The following TBC1D32 variants were observed in gnomAD, a reference collection of about 807,000 sequenced individuals.
TBC1D32 encodes TBC1 domain family member 32, also known as protein broad-minded.
TBC1D32 carries 151 observed loss-of-function variants against 170.3 expected under a neutral mutation model. The ratio of observed to expected loss-of-function variants is 0.89; its 90% CI spans 0.78 to 1.01. The LOEUF is 1.01. TBC1D32 is among the 50% of genes least tolerant of loss of function. The probability of loss-of-function intolerance (pLI) is 0.00; values close to 1 mark genes in which losing one functional copy is unlikely to be tolerated. For missense variants in TBC1D32, 1,464 were observed against 1,457.1 expected, an observed-to-expected ratio of 1.00 and a Z score of -0.08; for synonymous variants, 498 against 488.0, an observed-to-expected ratio of 1.02 and a Z score of -0.27.
chr6:121,256,046 AT>A (rs771178889), intron 16 of TBC1D32, 37 bp downstream of exon 16: 1 of 1,541,614 alleles, frequency 6.5e-7, no homozygotes, highest in South Asian at 1.2e-5. Context: ...TGAAATAAAG[AT>A]TTGCAGGGAG....
intron 22 of TBC1D32, among the ~76,000 whole-genome samples, chr6:121,187,431 T>G (rs1789342054): frequency 1.3e-5 from 2 of 152,068 alleles, no homozygotes; most frequent in African/African-American, 4.8e-5. Context: ...CTCTGGAATG[T>G]TGTAATATGC....
At position 121,094,227 on chromosome 6, in the gene TBC1D32, G is replaced by A. The variant is rs139246236; in HGVS notation, c.3466-3186C>T. ...CCATCACCCAGGCTGGAGTGCAGTG[G>A]TGCAATCTCAGCTCACTGCAACCTC... is the stretch of plus-strand genomic sequence containing the variant. On this transcript the variant is annotated intron_variant, in intron 30 of 31. Transcript: ENST00000398212. Among the ~76,000 whole-genome samples the A allele has an allele frequency of 2.0e-4, 31 of 151,928 alleles. No homozygotes were observed. The East Asian group carries it at 5.6e-3, about 28-fold the overall frequency.
intron 3 of TBC1D32, among the ~76,000 whole-genome samples, chr6:121,315,319 A>ATGGCAGGTATTATTATTT (rs1808771645): frequency 6.6e-6 from 1 of 152,224 alleles, no homozygotes; most frequent in Admixed American, 6.5e-5. Context: ...TATTATTATT[A>ATGGCAGGTATTATTATTT]TAGCTGGTAT....
chr6:121,180,028 C>A (rs1788304443), intron 22 of TBC1D32, among the ~76,000 whole-genome samples: 2 of 151,980 alleles, frequency 1.3e-5, no homozygotes, highest in Non-Finnish European at 2.9e-5. Flanking sequence ...AAAATTAAAT[C>A]CATGAAAGAT....
intron 22 of TBC1D32, among the ~76,000 whole-genome samples, chr6:121,188,162 TAAGTTTGTTCTG>T (rs1326387790): frequency 6.6e-6 from 1 of 152,168 alleles, no homozygotes; most frequent in Non-Finnish European, 1.5e-5. Flanking sequence ...ACCTACTTCA[TAAGTTTGTTCTG>T]AAATTGAGTG....
chr6:121,315,308 G>T (rs757709556), intron 3 of TBC1D32, among the ~76,000 whole-genome samples: 1 of 152,058 alleles, frequency 6.6e-6, no homozygotes, highest in African/African-American at 2.4e-5. Flanking sequence ...TATATGGCAG[G>T]TATTATTATT....
intron 21 of TBC1D32, among the ~76,000 whole-genome samples, chr6:121,209,336 T>G (rs1397607497): frequency 6.6e-6 from 1 of 152,108 alleles, no homozygotes; most frequent in Non-Finnish European, 1.5e-5. Context: ...ATAAGAACAT[T>G]TAGCATGAGA....
intron 30 of TBC1D32, among the ~76,000 whole-genome samples, chr6:121,091,371 A>T (rs1776780018): frequency 6.6e-6 from 1 of 152,152 alleles, no homozygotes; most frequent in African/African-American, 2.4e-5. Flanking sequence ...ACAAATGCTA[A>T]GAGACTATTT....
intron 21 of TBC1D32, among the ~76,000 whole-genome samples, chr6:121,220,830 G>A (rs1181822101): frequency 2.0e-5 from 3 of 151,682 alleles, no homozygotes; most frequent in African/African-American, 7.3e-5. Context: ...TACTAGACAC[G>A]GGGTTTCACC....
intron 22 of TBC1D32, chr6:121,170,260 C>T: frequency 1.2e-6 from 1 of 836,722 alleles, no homozygotes; most frequent in Non-Finnish European, 1.7e-6. Context: ...GACATTTACA[C>T]TTTAGCTGCT....
At chr6:121,213,474 T>G (rs1194995401) in intron 21 of TBC1D32, among the ~76,000 whole-genome samples, 3 of 4,804 alleles carry the variant, frequency 6.2e-4, no homozygotes, top group African/African-American at 8.4e-4. Context: ...AATAATAAAA[T>G]AAAATAAAAT....
At chr6:121,319,881 A>G (rs1277429192) in intron 2 of TBC1D32, among the ~76,000 whole-genome samples, 1 of 152,176 alleles carries the variant, frequency 6.6e-6, no homozygotes, top group Non-Finnish European at 1.5e-5. Flanking sequence ...AAAAACAGAT[A>G]TAAAATAGAA....
chr6:121,149,959 A>C (rs1000094775), intron 24 of TBC1D32, among the ~76,000 whole-genome samples: 7 of 152,086 alleles, frequency 4.6e-5, no homozygotes, highest in Admixed American at 3.3e-4. Context: ...GTTCTCTTTG[A>C]AGAGATCCTT....
rs564250621 is a variant in TBC1D32, at chr6:121,080,797, G to T, written c.3748C>A (p.Arg1250=). The change falls in exon 32 of 32, where the codon CGG becomes AGG. Residue 1250 remains arginine, a synonymous_variant. Transcript: ENST00000398212. The part of the protein sequence containing the change: ...NYRTVLLRDM[R]NIRLQST ...TATGTGCTCTGCAGTCTAATGTTCC[G>T]CATGTCTCTCAGCAGCACTGTTCGG... 6.2e-6 allele frequency: 10 copies of T among 1,613,084 alleles called. No homozygotes were observed. The South Asian group carries it at 6.6e-5, about 11-fold the overall frequency.
At chr6:121,239,650 T>C (rs1325366935) in intron 19 of TBC1D32, among the ~76,000 whole-genome samples, 2 of 152,098 alleles carry the variant, frequency 1.3e-5, no homozygotes, top group African/African-American at 4.8e-5. Flanking sequence ...CTTATTCCAA[T>C]ATAACTAATT....
intron 22 of TBC1D32, chr6:121,170,675 A>C: frequency 1.9e-6 from 1 of 534,902 alleles, no homozygotes; most frequent in East Asian, 3.6e-5. Context: ...TATTTTTAAT[A>C]AATTAGAATA....
At chr6:121,110,631 C>T (rs1488039268) in intron 29 of TBC1D32, among the ~76,000 whole-genome samples, 2 of 152,012 alleles carry the variant, frequency 1.3e-5, no homozygotes, top group Non-Finnish European at 1.5e-5. Flanking sequence ...TATCAAATTG[C>T]ATAGAAACCA....
intron 22 of TBC1D32, among the ~76,000 whole-genome samples, chr6:121,191,407 T>C (rs1038664937): frequency 2.0e-5 from 3 of 152,176 alleles, no homozygotes; most frequent in African/African-American, 7.2e-5. Context: ...AATTTTTATT[T>C]TTTATTTTTT....
intron 24 of TBC1D32, among the ~76,000 whole-genome samples, chr6:121,132,003 G>A (rs759976382): frequency 7.9e-5 from 12 of 151,870 alleles, no homozygotes; most frequent in Non-Finnish European, 1.3e-4. Flanking sequence ...CATAATTCTT[G>A]AATAGTCTTT....
Sources: allele counts gnomAD v4.1 joint callset (sites outside exome capture counted in the v4.1 genomes callset), GRCh38; gene constraint gnomAD v4.1.1; transcripts MANE v1.5; gene names NCBI Gene and HGNC (gene_info 2026-07-23, HGNC 2026-07-21).